Variants in CFAP53 observed in about 807,000 individuals in gnomAD.
The protein encoded by CFAP53 is cilia- and flagella-associated protein 53.
A neutral mutation model predicts 59.7 loss-of-function variants in CFAP53; 62 were observed. The observed-to-expected ratio is 1.04, with a 90% CI of 0.85 to 1.28. The LOEUF (loss-of-function observed/expected upper bound fraction) is 1.28, where lower values mean the gene tolerates loss of function less well. Among genes scored for constraint, CFAP53 ranks in the 50% most tolerant of loss-of-function variants. The pLI is 0.00. For synonymous variants in CFAP53, 218 were observed against 205.7 expected (o/e 1.06, Z -0.51); for missense variants, 629 against 615.6 (o/e 1.02, Z -0.23).
chr18:50,252,492 C>T (rs2033810745), intron 3 of CFAP53, among the ~76,000 whole-genome samples: 1 of 152,094 alleles, frequency 6.6e-6, no homozygotes, highest in Admixed American at 6.5e-5. Context: ...CATCCTTGAA[C>T]TCCTGGCCTC....
intron 7 of CFAP53, among the ~76,000 whole-genome samples, chr18:50,233,543 A>C (rs2033601959): frequency 6.6e-6 from 1 of 152,202 alleles, no homozygotes. Flanking sequence ...CAGTGTGCTA[A>C]GGTACTAGGT....
intron 1 of CFAP53, among the ~76,000 whole-genome samples, chr18:50,265,056 A>G (rs1353415928): frequency 6.6e-6 from 1 of 152,192 alleles, no homozygotes; most frequent in Admixed American, 6.5e-5. Flanking sequence ...CTGATCTTTC[A>G]TCCATCAACT....
At chr18:50,229,590 A>G (rs1361129731) in intron 7 of CFAP53, among the ~76,000 whole-genome samples, 1 of 152,194 alleles carries the variant, frequency 6.6e-6, no homozygotes, top group African/African-American at 2.4e-5. Flanking sequence ...TTTTTTGGAC[A>G]TATACCCAGA....
intron 3 of CFAP53, among the ~76,000 whole-genome samples, chr18:50,254,762 A>G (rs2033832520): frequency 6.6e-6 from 1 of 152,104 alleles, no homozygotes; most frequent in Non-Finnish European, 1.5e-5. Flanking sequence ...TGGTTGGTGC[A>G]TGCCTGTAAT....
At chr18:50,243,497 T>G (rs1006075234) in intron 5 of CFAP53, among the ~76,000 whole-genome samples, 1 of 152,276 alleles carries the variant, frequency 6.6e-6, no homozygotes, top group Non-Finnish European at 1.5e-5. Context: ...AGCTTTATTT[T>G]CATTTACTTT....
At chr18:50,240,095 C>T (rs1417456708) in intron 6 of CFAP53, among the ~76,000 whole-genome samples, 1 of 152,128 alleles carries the variant, frequency 6.6e-6, no homozygotes, top group Non-Finnish European at 1.5e-5. Context: ...ATTACCTGCT[C>T]CACCCTGACT....
rs76334647 is a variant in CFAP53, at chr18:50,262,050, C to T, written c.239G>A (p.Arg80Gln). 78 of 1,614,146 alleles carry T rather than the reference C, an allele frequency of 4.8e-5. No individual in the cohort carries two copies. The African/African-American group carries it at 6.3e-4, about 13-fold the overall frequency. The change falls in exon 2 of 8, where the codon CGA (arginine) becomes CAA (glutamine). Residue 80 changes from arginine (R) to glutamine (Q), a missense_variant. Transcript: ENST00000398545. ...NDCKILDSLVRARIKDAVQGF... is the reference protein window; with the variant it reads ...NDCKILDSLVQARIKDAVQGF... ...TTGCACAGCATCCTTGATTCTTGCT[C>T]GCACAAGGCTGTCCAAAATCTTGCA...
At chr18:50,243,874 C>A (rs1213183872) in intron 5 of CFAP53, among the ~76,000 whole-genome samples, 2 of 152,058 alleles carry the variant, frequency 1.3e-5, no homozygotes, top group South Asian at 2.1e-4. Context: ...ATGGCGTGAA[C>A]CCAGGAGGCG....
intron 3 of CFAP53, among the ~76,000 whole-genome samples, chr18:50,260,228 T>C (rs769824948): frequency 6.6e-6 from 1 of 151,956 alleles, no homozygotes; most frequent in African/African-American, 2.4e-5. Flanking sequence ...CAGTACCAGA[T>C]TGAGTAGATT....
Position 50,251,729 on chromosome 18 carries a change from A to G in CFAP53, c.529T>C (p.Cys177Arg), listed in dbSNP as rs2033803112. 1 of 1,614,156 alleles carries G rather than the reference A, an allele frequency of 6.2e-7. No homozygotes were observed. The highest frequency in any genetic ancestry group is 1.3e-5 in the African/African-American group (1 of 75,032). Residue 177 changes from cysteine (C) to arginine (R), a missense_variant, in exon 4 of 8, where the codon TGT becomes CGT. Coordinates refer to ENST00000398545, the MANE Select transcript of CFAP53 (RefSeq NM_145020.5). ...GCAATCTGTGCTTTCCGCTCCTCACACACCTTCTTCTGATGGATAGATAAC... is the reference window on the plus strand; with the variant it reads ...GCAATCTGTGCTTTCCGCTCCTCACGCACCTTCTTCTGATGGATAGATAAC... Reference protein sequence around the residue: ...ELLSIHQKKVCEERKAQIAFN... With the variant: ...ELLSIHQKKVREERKAQIAFN...
Position 50,243,077 on chromosome 18 carries a change from A to T in CFAP53, c.1036T>A (p.Leu346Met), listed in dbSNP as rs1484616600. ...IREQKIYHKY[L>M]AQRREEEKAQ... ...TTTTCTTCCTCACGTCTCTGTGCCA[A>T]ATATTTATGGTATATCTTCTGTTCT... Residue 346 changes from leucine to methionine, a missense_variant, in exon 6 of 8, where the codon TTG (leucine) becomes ATG (methionine). By Grantham distance (15) the Leu-to-Met change is conservative (BLOSUM62 2). Transcript: ENST00000398545. 1 of 1,613,122 alleles carries T rather than the reference A, an allele frequency of 6.2e-7. No individual in the cohort carries two copies. The highest frequency in any genetic ancestry group is 8.5e-7 in the Non-Finnish European group (1 of 1,179,554).
intron 6 of CFAP53, among the ~76,000 whole-genome samples, chr18:50,239,978 A>G (rs746891182): frequency 1.3e-5 from 2 of 152,216 alleles, no homozygotes; most frequent in African/African-American, 2.4e-5. Flanking sequence ...ATTTATCTTC[A>G]AAGAATCAAT....
At chr18:50,254,684 T>C (rs868681799) in intron 3 of CFAP53, among the ~76,000 whole-genome samples, 1 of 151,226 alleles carries the variant, frequency 6.6e-6, no homozygotes, top group Non-Finnish European at 1.5e-5. Flanking sequence ...AGGTCGGGAG[T>C]TCAAGACCAG....
At chr18:50,254,663 C>A (rs1306061328) in intron 3 of CFAP53, among the ~76,000 whole-genome samples, 1 of 152,040 alleles carries the variant, frequency 6.6e-6, no homozygotes, top group Non-Finnish European at 1.5e-5. Context: ...CCAAGGTGGA[C>A]GGATCACCTA....
At chr18:50,262,806 T>C (rs1373655124) in intron 1 of CFAP53, among the ~76,000 whole-genome samples, 1 of 152,132 alleles carries the variant, frequency 6.6e-6, no homozygotes, top group African/African-American at 2.4e-5. Context: ...GAAAGATCTT[T>C]GACTAAGAAG....
At chr18:50,261,483 C>T (rs1463793897) in intron 2 of CFAP53, among the ~76,000 whole-genome samples, 15 of 152,142 alleles carry the variant, frequency 9.9e-5, no homozygotes, top group Admixed American at 9.8e-4. Flanking sequence ...CCTTGACCTC[C>T]TGGGCTCAGG....
At chr18:50,242,347 A>G (rs935898560) in intron 6 of CFAP53, among the ~76,000 whole-genome samples, 23 of 152,244 alleles carry the variant, frequency 1.5e-4, no homozygotes, top group African/African-American at 5.5e-4. Context: ...AGAAATTATA[A>G]AAGTATTAAT....
chr18:50,239,049 TATTA>T (rs1399627853), intron 6 of CFAP53, among the ~76,000 whole-genome samples: 1 of 147,462 alleles, frequency 6.8e-6, no homozygotes, highest in Non-Finnish European at 1.5e-5. Flanking sequence ...ATAAATAATT[TATTA>T]TTTATTATAT....
intron 5 of CFAP53, among the ~76,000 whole-genome samples, chr18:50,245,859 T>C (rs1164235403): frequency 6.8e-6 from 1 of 147,488 alleles, no homozygotes; most frequent in East Asian, 2.0e-4. Flanking sequence ...TCTCTCTCTC[T>C]TTTTTTTTTG....
Sources: allele counts gnomAD v4.1 joint callset (sites outside exome capture counted in the v4.1 genomes callset), GRCh38; gene constraint gnomAD v4.1.1; transcripts MANE v1.5; gene names NCBI Gene and HGNC (gene_info 2026-07-23, HGNC 2026-07-21).